CRYBA4: variants seen among roughly 807,000 people sequenced by gnomAD.
The protein encoded by CRYBA4 is beta-crystallin A4.
A neutral mutation model predicts 31.7 loss-of-function variants in CRYBA4; 30 were observed. The observed-to-expected ratio is 0.95, with a 90% CI of 0.71 to 1.28. CRYBA4 has a LOEUF of 1.28. Ranked by LOEUF, CRYBA4 falls within the 50% of genes most tolerant of loss-of-function variation. The pLI is 0.00. For synonymous variants in CRYBA4, 102 were observed against 102.3 expected (o/e 1.00, Z 0.02); for missense variants, 225 against 260.7 (o/e 0.86, Z 0.94).
intron 3 of CRYBA4, among the ~76,000 whole-genome samples, chr22:26,624,960 G>A (rs1400246810): frequency 6.6e-6 from 1 of 152,204 alleles, no homozygotes; most frequent in Non-Finnish European, 1.5e-5. Flanking sequence ...TCCCACAAGA[G>A]AGGGAGGAAA....
chr22:26,619,545 CTTCT>C (rs1436802782), upstream of CRYBA4, among the ~76,000 whole-genome samples: 1 of 152,192 alleles, frequency 6.6e-6, no homozygotes, highest in Non-Finnish European at 1.5e-5. Flanking sequence ...GCTCCTGTCT[CTTCT>C]TTTTCGGGGT....
chr22:26,596,881 G>A, the CRYBA4 span, among the ~76,000 whole-genome samples: 31 of 152,176 alleles, frequency 2.0e-4, no homozygotes, highest in East Asian at 1.2e-3. Flanking sequence ...TTGAGCTGTC[G>A]TTTTATAGAA....
chr22:26,608,300 G>A, the CRYBA4 span, among the ~76,000 whole-genome samples: 14 of 152,350 alleles, frequency 9.2e-5, no homozygotes, highest in East Asian at 1.7e-3. Context: ...ATAAATGTGT[G>A]TGATTATCTG....
At chr22:26,619,571 C>A (rs74850745), upstream of CRYBA4, among the ~76,000 whole-genome samples, 5,185 of 152,202 alleles carry the variant, frequency 0.034, 152 homozygotes, top group East Asian at 0.094. Flanking sequence ...CTAGGCTCCC[C>A]GTGGAGCCCA....
upstream of CRYBA4, among the ~76,000 whole-genome samples, chr22:26,619,773 A>G (rs1405834550): frequency 6.6e-6 from 1 of 152,084 alleles, no homozygotes; most frequent in Non-Finnish European, 1.5e-5. Context: ...GTGAGGGCCC[A>G]CCCACCAGTC....
In CRYBA4 at chr22:26,630,651, A is replaced by T. The variant is rs548098586; in HGVS notation, c.*164A>T. 1 of 615,536 alleles carries T rather than the reference A, an allele frequency of 1.6e-6. No homozygotes were observed. The highest frequency in any genetic ancestry group is 2.8e-5 in the East Asian group (1 of 36,054). 38.1% of individuals were successfully genotyped at this position (615,536 alleles called of 1,614,324 possible). On this transcript the variant is annotated 3_prime_UTR_variant, in exon 6 of 6. Transcript: ENST00000354760. ...TCAGCACAAAAAACTCAAACGAATA[A>T]AAAAGAGAAAGTCTGGTATTAGTTG...
At chr22:26,604,349 C>A in the CRYBA4 span, among the ~76,000 whole-genome samples, 526 of 152,280 alleles carry the variant, frequency 3.5e-3, 2 homozygotes, top group African/African-American at 0.012. Flanking sequence ...ATACCCAGTA[C>A]GTAGTTGGTG....
chr22:26,622,860 T>G (rs565980062), intron 2 of CRYBA4, among the ~76,000 whole-genome samples: 3 of 152,332 alleles, frequency 2.0e-5, no homozygotes, highest in African/African-American at 7.2e-5. Flanking sequence ...GTTGCAGTCT[T>G]TGGGCATGAT....
At chr22:26,613,555 A>T in the CRYBA4 span, among the ~76,000 whole-genome samples, 7 of 152,316 alleles carry the variant, frequency 4.6e-5, no homozygotes, top group East Asian at 1.3e-3. Context: ...AATTGTAAAG[A>T]TTTCATGGAC....
the CRYBA4 span, among the ~76,000 whole-genome samples, chr22:26,612,800 G>A: frequency 6.6e-6 from 1 of 152,136 alleles, no homozygotes; most frequent in African/African-American, 2.4e-5. Flanking sequence ...CCTAACTGAA[G>A]TTCCCTAATA....
chr22:26,616,463 A>G, the CRYBA4 span: 61 of 692,778 alleles, frequency 8.8e-5, no homozygotes, highest in African/African-American at 8.0e-4. Flanking sequence ...TGAAACGGTT[A>G]AGCCTGGAAG....
chr22:26,608,031 A>G, the CRYBA4 span: 6 of 1,614,020 alleles, frequency 3.7e-6, no homozygotes, highest in Admixed American at 1.0e-4. Context: ...GCTGGATACA[A>G]GAAGGACCAT....
At chr22:26,605,664 T>C in the CRYBA4 span, among the ~76,000 whole-genome samples, 1 of 109,248 alleles carries the variant, frequency 9.2e-6, no homozygotes, top group Non-Finnish European at 1.8e-5. Context: ...CAGAGTTAGA[T>C]GTGTCTCAAA....
chr22:26,629,463 C>T (rs1334324754), intron 5 of CRYBA4, among the ~76,000 whole-genome samples: 1 of 151,892 alleles, frequency 6.6e-6, no homozygotes, highest in Non-Finnish European at 1.5e-5. Flanking sequence ...TGAGTTGGGC[C>T]AGACACGGTG....
At chr22:26,622,060 C>A in intron 1 of CRYBA4, 74 bp downstream of exon 1, 1 of 802,628 alleles carries the variant, frequency 1.2e-6, no homozygotes, top group Non-Finnish European at 1.5e-6. Flanking sequence ...GAACCCAGGT[C>A]CCCAGTCCTA....
At chr22:26,624,126 C>T (rs1454112187) in intron 3 of CRYBA4, among the ~76,000 whole-genome samples, 2 of 152,080 alleles carry the variant, frequency 1.3e-5, no homozygotes, top group African/African-American at 4.8e-5. Context: ...CCAGTAGCTA[C>T]CATATTGGAT....
the CRYBA4 span, among the ~76,000 whole-genome samples, chr22:26,596,123 T>C: frequency 6.6e-6 from 1 of 152,120 alleles, no homozygotes; most frequent in South Asian, 2.1e-4. Context: ...ATTTTTGAGA[T>C]GGAAGCTTGT....
chr22:26,606,051 A>G, the CRYBA4 span, among the ~76,000 whole-genome samples: 1 of 152,240 alleles, frequency 6.6e-6, no homozygotes, highest in African/African-American at 2.4e-5. Flanking sequence ...CGCTATCGTT[A>G]GTGATAGTGT....
the CRYBA4 span, chr22:26,616,290 C>T: frequency 1.7e-5 from 27 of 1,613,724 alleles, no homozygotes; most frequent in African/African-American, 2.0e-4. Flanking sequence ...CCACTGTGGC[C>T]GAGGCCGAGG....
Sources: gnomAD v4.1 joint callset for allele counts (sites outside exome capture counted in the v4.1 genomes callset) on GRCh38, gnomAD v4.1.1 for gene constraint, MANE v1.5 for transcripts, NCBI Gene and HGNC (gene_info 2026-07-23, HGNC 2026-07-21) for gene names.